Variants in RALYL observed in about 807,000 individuals in gnomAD.
RALYL encodes the protein RNA-binding Raly-like protein.
Under a neutral mutation model 35.1 loss-of-function variants are expected in RALYL, and 29 were observed. The observed-to-expected ratio is 0.83, with a 90% CI of 0.61 to 1.13. The LOEUF is 1.13. RALYL is among the 50% of genes most tolerant of loss of function. The pLI, the probability that RALYL is intolerant of heterozygous loss-of-function variation, is 0.00. For synonymous variants in RALYL, 120 were observed against 127.6 expected (o/e 0.94, Z 0.40); for missense variants, 359 against 360.4 (o/e 1.00, Z 0.03).
intron 2 of RALYL, among the ~76,000 whole-genome samples, chr8:84,655,854 A>T (rs190027416): frequency 5.7e-4 from 87 of 152,204 alleles, no homozygotes; most frequent in Non-Finnish European, 1.0e-3. Flanking sequence ...TAGAGATGAC[A>T]ATTTGTCTCA....
At chr8:84,275,537 T>C (rs1276373048) in intron 1 of RALYL, among the ~76,000 whole-genome samples, 1 of 151,970 alleles carries the variant, frequency 6.6e-6, no homozygotes, top group Non-Finnish European at 1.5e-5. Flanking sequence ...GTTACCACTT[T>C]CATGGTGAGA....
At chr8:84,257,537 A>C (rs886083168) in intron 1 of RALYL, among the ~76,000 whole-genome samples, 1 of 152,168 alleles carries the variant, frequency 6.6e-6, no homozygotes, top group Non-Finnish European at 1.5e-5. Context: ...AGTTCATAGC[A>C]GGAAAACCTT....
In RALYL at chr8:84,847,717, T is replaced by C. The variant is rs551074025; in HGVS notation, c.366-2263T>C. Among the ~76,000 whole-genome samples, 3 of 152,314 alleles carry C rather than the reference T, an allele frequency of 2.0e-5. No homozygotes were observed. The South Asian group carries it at 6.2e-4, about 32-fold the overall frequency. On this transcript the variant is annotated intron_variant, in intron 4 of 8. Coordinates refer to ENST00000521268, the MANE Select transcript of RALYL (RefSeq NM_173848.7). ...AAGTGGCTATTTCCTTCTTACACTT[T>C]AGGCAGTGGTCTCATTGTCCCCTTG...
intron 2 of RALYL, among the ~76,000 whole-genome samples, chr8:84,538,084 C>G (rs1204909151): frequency 3.3e-5 from 5 of 152,112 alleles, no homozygotes; most frequent in African/African-American, 4.8e-5. Flanking sequence ...TAAACAAATG[C>G]TAATTAGCAA....
At chr8:84,533,126 G>A (rs971781336) in intron 2 of RALYL, among the ~76,000 whole-genome samples, 17 of 151,740 alleles carry the variant, frequency 1.1e-4, no homozygotes, top group Admixed American at 8.5e-4. Context: ...AAAACTTTAC[G>A]TCTATATTTG....
At chr8:84,836,575 A>G (rs1832070852) in intron 4 of RALYL, among the ~76,000 whole-genome samples, 1 of 152,246 alleles carries the variant, frequency 6.6e-6, no homozygotes, top group Admixed American at 6.5e-5. Flanking sequence ...TATTGGTGAC[A>G]TACACCAAAG....
intron 1 of RALYL, among the ~76,000 whole-genome samples, chr8:84,308,380 A>G (rs6473543): frequency 0.049 from 7,416 of 152,210 alleles, 280 homozygotes; most frequent in African/African-American, 0.088. Flanking sequence ...AAATTATTTA[A>G]AACAGTCTCA....
intron 1 of RALYL, among the ~76,000 whole-genome samples, chr8:84,492,465 A>T (rs2055440466): frequency 6.6e-6 from 1 of 152,118 alleles, no homozygotes; most frequent in Admixed American, 6.6e-5. Context: ...AATTACATTG[A>T]AACTCCTTTG....
At chr8:84,365,938 G>A (rs1005953778) in intron 1 of RALYL, among the ~76,000 whole-genome samples, 14 of 152,194 alleles carry the variant, frequency 9.2e-5, no homozygotes, top group African/African-American at 3.4e-4. Flanking sequence ...TGACCGCATG[G>A]ACACGTTGGC....
chr8:84,782,452 G>A (rs1818407236), intron 3 of RALYL, among the ~76,000 whole-genome samples: 1 of 152,190 alleles, frequency 6.6e-6, no homozygotes, highest in South Asian at 2.1e-4. Flanking sequence ...GGATAGAAAG[G>A]GCTGAAATTT....
intron 2 of RALYL, among the ~76,000 whole-genome samples, chr8:84,710,672 C>T (rs1842036616): frequency 6.6e-6 from 1 of 152,110 alleles, no homozygotes; most frequent in Admixed American, 6.6e-5. Flanking sequence ...TATCTATTTA[C>T]ACCACTAATC....
chr8:84,667,982 A>G (rs17794302), intron 2 of RALYL, among the ~76,000 whole-genome samples: 29,743 of 152,062 alleles, frequency 0.2, 3,147 homozygotes, highest in Non-Finnish European at 0.23. Context: ...ATCATGCCAT[A>G]GAGACAACAG....
At chr8:84,361,101 A>T (rs1852923051) in intron 1 of RALYL, among the ~76,000 whole-genome samples, 1 of 152,152 alleles carries the variant, frequency 6.6e-6, no homozygotes, top group Admixed American at 6.5e-5. Flanking sequence ...CTACTATTGG[A>T]AGGAAAATCT....
chr8:84,471,362 C>T (rs114686131), intron 1 of RALYL, among the ~76,000 whole-genome samples: 3 of 151,356 alleles, frequency 2.0e-5, no homozygotes, highest in Non-Finnish European at 2.9e-5. Flanking sequence ...GTGGGAGGAT[C>T]GCTTGAGGCC....
chr8:84,471,520 G>A (rs1394947755), intron 1 of RALYL, among the ~76,000 whole-genome samples: 1 of 151,912 alleles, frequency 6.6e-6, no homozygotes, highest in South Asian at 2.1e-4. Context: ...CTTGAGCCCA[G>A]GAGTTTGACA....
In RALYL at chr8:84,626,742, A is replaced by G. The variant is rs552072571; in HGVS notation, c.256+97165A>G. 5.3e-5 allele frequency among the ~76,000 whole-genome samples: 8 copies of G among 152,326 alleles called. No homozygotes were observed. In the South Asian group the frequency reaches 1.7e-3, roughly 32 times the overall value. Reference sequence around the variant, plus strand: ...TGAATCAAATTTGGAATTCATTTAAAGCAGGTGATTGACTGTACACAAGTA... The same window carrying G: ...TGAATCAAATTTGGAATTCATTTAAGGCAGGTGATTGACTGTACACAAGTA... On this transcript the variant is annotated intron_variant, in intron 2 of 8. Coordinates refer to ENST00000521268, the MANE Select transcript of RALYL (RefSeq NM_173848.7).
chr8:84,466,902 T>C (rs1280312299), intron 1 of RALYL, among the ~76,000 whole-genome samples: 3 of 151,720 alleles, frequency 2.0e-5, no homozygotes, highest in African/African-American at 7.2e-5. Flanking sequence ...TTTATCCATT[T>C]CTTCTAGATT....
At chr8:84,212,527 G>A (rs1332705799) in intron 1 of RALYL, among the ~76,000 whole-genome samples, 1 of 152,022 alleles carries the variant, frequency 6.6e-6, no homozygotes, top group Non-Finnish European at 1.5e-5. Flanking sequence ...AACACACATT[G>A]ATCTCTGAAG....
intron 2 of RALYL, among the ~76,000 whole-genome samples, chr8:84,636,046 T>A (rs1459867700): frequency 6.6e-6 from 1 of 151,828 alleles, no homozygotes; most frequent in Non-Finnish European, 1.5e-5. Flanking sequence ...CCTCTTTCTA[T>A]AATGTAAAGT....
Sources: allele counts gnomAD v4.1 joint callset (sites outside exome capture counted in the v4.1 genomes callset), GRCh38; gene constraint gnomAD v4.1.1; transcripts MANE v1.5; gene names NCBI Gene and HGNC (gene_info 2026-07-23, HGNC 2026-07-21).